TG: variants seen among roughly 807,000 people sequenced by gnomAD.
TG encodes thyroid hormones.
A neutral mutation model predicts 324.7 loss-of-function variants in TG; 270 were observed. The ratio of observed to expected loss-of-function variants is 0.83; its 90% CI spans 0.75 to 0.92. The LOEUF (loss-of-function observed/expected upper bound fraction) is 0.92, where lower values mean the gene tolerates loss of function less well. TG is among the 40% of genes least tolerant of loss of function. The probability of loss-of-function intolerance (pLI) is 0.00; values close to 1 mark genes in which losing one functional copy is unlikely to be tolerated. For missense variants in TG, 3,591 were observed against 3,456.4 expected, an observed-to-expected ratio of 1.04 and a Z score of -0.98; for synonymous variants, 1,401 against 1,327.0, an observed-to-expected ratio of 1.06 and a Z score of -1.21.
chr8:133,002,347 C>T (rs774503153), intron 35 of TG: 6 of 985,356 alleles, frequency 6.1e-6, no homozygotes, highest in Non-Finnish European at 7.2e-6. Context: ...TTTAGTTGGA[C>T]TGTCTTTAAA....
At position 132,898,819 on chromosome 8, in the gene TG, C is replaced by A. The variant is rs776606143; in HGVS notation, c.3239C>A (p.Ser1080Tyr). The A allele has an allele frequency of 2.1e-5, 34 of 1,614,220 alleles. No individual in the cohort carries two copies. The highest frequency in any genetic ancestry group is 2.8e-5 in the Non-Finnish European group (33 of 1,180,040). The change falls in exon 14 of 48, where the codon TCT becomes TAT. Residue 1080 changes from serine (S) to tyrosine (Y), a missense_variant. Coordinates refer to ENST00000220616, the MANE Select transcript of TG (RefSeq NM_003235.5). ...IPQCPTTCEKSRTSGLLSSWK... is the reference protein window; with the variant it reads ...IPQCPTTCEKYRTSGLLSSWK... Reference sequence around the variant, plus strand: ...ACAGGCCCGACAACCTGCGAGAAATCTCGAACCAGTGGGCTGCTTTCCAGT... The same window carrying A: ...ACAGGCCCGACAACCTGCGAGAAATATCGAACCAGTGGGCTGCTTTCCAGT...
chr8:133,040,166 G>T (rs200640742), intron 41 of TG: 1 of 1,564,302 alleles, frequency 6.4e-7, no homozygotes, highest in South Asian at 1.2e-5. Context: ...CAGGGACCCT[G>T]GGGACGCCTC....
intron 25 of TG, among the ~76,000 whole-genome samples, chr8:132,937,070 A>G (rs1823717303): frequency 6.6e-6 from 1 of 152,176 alleles, no homozygotes; most frequent in Non-Finnish European, 1.5e-5. Flanking sequence ...CTCATGGGGA[A>G]AGCTCAGCGA....
intron 35 of TG, among the ~76,000 whole-genome samples, chr8:133,005,543 A>T (rs992391399): frequency 6.6e-6 from 1 of 152,150 alleles, no homozygotes; most frequent in Non-Finnish European, 1.5e-5. Context: ...CACATCTAGT[A>T]ACTCATTCAT....
intron 43 of TG, among the ~76,000 whole-genome samples, chr8:133,107,836 T>C (rs1849932228): frequency 6.6e-6 from 1 of 152,166 alleles, no homozygotes; most frequent in South Asian, 2.1e-4. Flanking sequence ...TTCTAGATCA[T>C]TTTTTGCAAG....
At chr8:133,002,541 A>G in intron 35 of TG, 1 of 478,402 alleles carries the variant, frequency 2.1e-6, no homozygotes, top group African/African-American at 2.1e-5. Flanking sequence ...AGGACATCAC[A>G]CTTCTACTCA....
chr8:133,096,877 A>T (rs1348202289), intron 43 of TG, among the ~76,000 whole-genome samples: 1 of 152,230 alleles, frequency 6.6e-6, no homozygotes, highest in Non-Finnish European at 1.5e-5. Context: ...GGCTTGCTGG[A>T]GGCACAGTGA....
chr8:132,919,982 A>C (rs1820888570), intron 21 of TG, among the ~76,000 whole-genome samples: 1 of 152,244 alleles, frequency 6.6e-6, no homozygotes, highest in Non-Finnish European at 1.5e-5. Flanking sequence ...AAAGTTAGTC[A>C]AAGTCACTCA....
At chr8:132,972,134 A>G in intron 33 of TG, 2 of 507,384 alleles carry the variant, frequency 3.9e-6, no homozygotes, top group Middle Eastern at 5.6e-4. Flanking sequence ...TCTTTTGTTC[A>G]TCTTTCAACA....
At chr8:133,036,306 A>G (rs750696845) in intron 41 of TG, among the ~76,000 whole-genome samples, 2 of 152,210 alleles carry the variant, frequency 1.3e-5, no homozygotes, top group Non-Finnish European at 2.9e-5. Context: ...GTCAAGCTCC[A>G]TGATATCAGA....
intron 11 of TG, 45 bp downstream of exon 11, chr8:132,893,974 A>G (rs771239132): frequency 6.2e-7 from 1 of 1,613,862 alleles, no homozygotes; most frequent in South Asian, 1.1e-5. Flanking sequence ...CGCTTTGGAA[A>G]AGCAGGAGCT....
intron 41 of TG, among the ~76,000 whole-genome samples, chr8:133,088,259 C>G (rs959299805): frequency 9.6e-6 from 1 of 104,186 alleles, no homozygotes; most frequent in East Asian, 3.1e-4. Context: ...CCCTCCTGCT[C>G]CTCCTCCTCC....
intron 24 of TG, among the ~76,000 whole-genome samples, chr8:132,934,623 C>A (rs746962811): frequency 6.6e-6 from 1 of 152,232 alleles, no homozygotes; most frequent in Non-Finnish European, 1.5e-5. Flanking sequence ...TCTTCCTCCT[C>A]TCCCCAGGCC....
At chr8:133,055,201 G>C (rs1469690677) in intron 41 of TG, among the ~76,000 whole-genome samples, 1 of 152,122 alleles carries the variant, frequency 6.6e-6, no homozygotes, top group Admixed American at 6.5e-5. Context: ...GTCAGGGTTA[G>C]CATAAGCAGC....
intron 27 of TG, among the ~76,000 whole-genome samples, chr8:132,953,007 G>T (rs756008620): frequency 6.6e-6 from 1 of 152,162 alleles, no homozygotes; most frequent in Non-Finnish European, 1.5e-5. Flanking sequence ...CCTTGTTATT[G>T]TGCCAGAAAA....
intron 35 of TG, among the ~76,000 whole-genome samples, chr8:132,998,839 T>G (rs1833149862): frequency 6.6e-6 from 1 of 152,180 alleles, no homozygotes; most frequent in Non-Finnish European, 1.5e-5. Flanking sequence ...AATGAAGGTC[T>G]CTGGGATTGA....
intron 32 of TG, among the ~76,000 whole-genome samples, chr8:132,969,841 G>A (rs1829227721): frequency 6.6e-6 from 1 of 150,732 alleles, no homozygotes; most frequent in Non-Finnish European, 1.5e-5. Flanking sequence ...TTGAACTCAG[G>A]AGGTGGAGGT....
chr8:132,893,225 TATGTG>T (rs1816546050), intron 10 of TG, among the ~76,000 whole-genome samples: 1 of 134,258 alleles, frequency 7.4e-6, no homozygotes, highest in African/African-American at 2.8e-5. Context: ...GTGGTGTGTA[TATGTG>T]GTGTGTGTGT....
At chr8:133,057,776 A>G (rs1173592449) in intron 41 of TG, among the ~76,000 whole-genome samples, 2 of 85,662 alleles carry the variant, frequency 2.3e-5, no homozygotes, top group Admixed American at 1.6e-4. Context: ...ACAAAAAACA[A>G]AAAAAAAAAA....
Sources: gnomAD v4.1 joint callset for allele counts (sites outside exome capture counted in the v4.1 genomes callset) on GRCh38, gnomAD v4.1.1 for gene constraint, MANE v1.5 for transcripts, NCBI Gene and HGNC (gene_info 2026-07-23, HGNC 2026-07-21) for gene names.